SOX5: variants seen among roughly 807,000 people sequenced by gnomAD.
The protein encoded by SOX5 is transcription factor SOX-5.
Under a neutral mutation model 92.0 loss-of-function variants are expected in SOX5, and 9 were observed. The ratio of observed to expected loss-of-function variants is 0.10; its 90% confidence interval spans 0.06 to 0.17. The LOEUF is 0.17. Ranked by LOEUF, SOX5 falls within the 10% of genes least tolerant of loss-of-function variation. SOX5 has a pLI of 1.00. For synonymous variants in SOX5, 344 were observed against 336.3 expected, an observed-to-expected ratio of 1.02 and a Z score of -0.25; for missense variants, 642 against 944.5, an observed-to-expected ratio of 0.68 and a Z score of 4.20.
At chr12:24,509,102 A>G (rs559949994) in intron 1 of SOX5, among the ~76,000 whole-genome samples, 1 of 152,364 alleles carries the variant, frequency 6.6e-6, no homozygotes, top group African/African-American at 2.4e-5. Context: ...ATGGCCAGTC[A>G]GTAGACAATG....
intron 1 of SOX5, among the ~76,000 whole-genome samples, chr12:23,941,089 G>T (rs1388522507): frequency 6.6e-6 from 1 of 151,444 alleles, no homozygotes; most frequent in South Asian, 2.1e-4. Context: ...TGAAAAAACT[G>T]CAGCTTCATT....
chr12:24,297,804 T>G (rs1350095420), intron 2 of SOX5, among the ~76,000 whole-genome samples: 1 of 152,170 alleles, frequency 6.6e-6, no homozygotes, highest in African/African-American at 2.4e-5. Flanking sequence ...AGCTCATAAC[T>G]AGCACTGTCT....
At chr12:24,254,837 T>C (rs754825390) in intron 3 of SOX5, among the ~76,000 whole-genome samples, 3 of 152,074 alleles carry the variant, frequency 2.0e-5, no homozygotes, top group Non-Finnish European at 4.4e-5. Context: ...TATATTCTTC[T>C]TTCTGTCTTT....
chr12:24,353,517 A>G (rs1954382383), intron 2 of SOX5, among the ~76,000 whole-genome samples: 1 of 152,198 alleles, frequency 6.6e-6, no homozygotes, highest in Non-Finnish European at 1.5e-5. Flanking sequence ...AAGTGAGGGC[A>G]GATGGAGGGG....
rs570802226 is a variant in SOX5, at chr12:24,121,374, A to G, written c.-2+91969T>C. ...CACATGTCTGAACAGAATCTAGTTCAAGCCACTAAGAAGGATAAGACATCA... is the reference window on the plus strand; with the variant it reads ...CACATGTCTGAACAGAATCTAGTTCGAGCCACTAAGAAGGATAAGACATCA... On this transcript the variant is annotated intron_variant, in intron 4 of 4. Coordinates refer to the SOX5 transcript ENST00000446891. Among the ~76,000 whole-genome samples, 416 of 152,286 alleles carry G rather than the reference A, an allele frequency of 2.7e-3. 3 individuals carry two copies. The highest frequency in any genetic ancestry group is 9.3e-3 in the African/African-American group (387 of 41,556).
chr12:23,859,432 G>A (rs2096729815), intron 2 of SOX5, among the ~76,000 whole-genome samples: 1 of 152,162 alleles, frequency 6.6e-6, no homozygotes, highest in Non-Finnish European at 1.5e-5. Flanking sequence ...TACTAGGATT[G>A]GGAAATTCCA....
intron 3 of SOX5, among the ~76,000 whole-genome samples, chr12:24,225,073 C>T (rs924567649): frequency 2.0e-5 from 3 of 152,196 alleles, no homozygotes; most frequent in Non-Finnish European, 4.4e-5. Flanking sequence ...GCTAGACACA[C>T]AGTAGGTATC....
chr12:23,943,230 G>T (rs975474407), intron 1 of SOX5, among the ~76,000 whole-genome samples: 1 of 151,500 alleles, frequency 6.6e-6, no homozygotes, highest in African/African-American at 2.4e-5. Flanking sequence ...TTGAATTCCT[G>T]GTCCCCATTG....
At chr12:24,353,637 T>C (rs953447429) in intron 2 of SOX5, among the ~76,000 whole-genome samples, 1 of 151,970 alleles carries the variant, frequency 6.6e-6, no homozygotes, top group Admixed American at 6.6e-5. Flanking sequence ...AGTTGCTTCA[T>C]TATTATTCTT....
In SOX5 at chr12:24,119,420, A is replaced by C. The variant is rs982646992; in HGVS notation, c.-2+93923T>G. 7.9e-5 allele frequency among the ~76,000 whole-genome samples: 12 copies of C among 152,260 alleles called. No individual in the cohort carries two copies. The East Asian group carries it at 2.1e-3, about 27-fold the overall frequency. The stretch of plus-strand genomic sequence containing the variant: ...GACTGGCTGATTTACACTTGAGGCT[A>C]CATTTTACTTTTCACATTTTGTAAA... On this transcript the variant is annotated intron_variant, in intron 4 of 4. Coordinates refer to the SOX5 transcript ENST00000446891.
chr12:23,607,228 T>C (rs2075357046), intron 8 of SOX5, among the ~76,000 whole-genome samples: 1 of 152,200 alleles, frequency 6.6e-6, no homozygotes, highest in Admixed American at 6.5e-5. Context: ...AAATATCTAT[T>C]TCAACACATT....
intron 3 of SOX5, among the ~76,000 whole-genome samples, chr12:24,265,171 T>G (rs893859023): frequency 6.6e-6 from 1 of 152,218 alleles, no homozygotes; most frequent in African/African-American, 2.4e-5. Flanking sequence ...TTCCTCTAGA[T>G]TTTCTCTAAT....
chr12:23,680,753 A>G (rs1055665177), intron 6 of SOX5, among the ~76,000 whole-genome samples: 1 of 152,190 alleles, frequency 6.6e-6, no homozygotes, highest in African/African-American at 2.4e-5. Flanking sequence ...CCTTAAAAGC[A>G]GTCAGCTAGA....
intron 4 of SOX5, among the ~76,000 whole-genome samples, chr12:23,977,674 A>AAG (rs1050328737): frequency 2.6e-5 from 4 of 152,038 alleles, no homozygotes; most frequent in African/African-American, 9.7e-5. Context: ...AAAAAAAAAA[A>AAG]AAAAAGTGAA....
chr12:24,451,061 C>A (rs1208531103), intron 1 of SOX5, among the ~76,000 whole-genome samples: 1 of 152,166 alleles, frequency 6.6e-6, no homozygotes, highest in Non-Finnish European at 1.5e-5. Flanking sequence ...TCTTTCTGTG[C>A]CTGGCTTATT....
chr12:24,549,974 G>C (rs1209593751), intron 1 of SOX5, among the ~76,000 whole-genome samples: 1 of 152,166 alleles, frequency 6.6e-6, no homozygotes, highest in Admixed American at 6.5e-5. Context: ...GCATCATTTT[G>C]AGGGATGACT....
At chr12:23,670,075 T>C (rs1012081439) in intron 6 of SOX5, among the ~76,000 whole-genome samples, 4 of 151,994 alleles carry the variant, frequency 2.6e-5, no homozygotes, top group African/African-American at 7.3e-5. Context: ...AAAATTAAAG[T>C]TAGACAAAAA....
chr12:23,871,559 ATTGT>A (rs1243034736), intron 2 of SOX5, among the ~76,000 whole-genome samples: 2 of 152,078 alleles, frequency 1.3e-5, no homozygotes, highest in African/African-American at 2.4e-5. Flanking sequence ...CTTTTTCAAA[ATTGT>A]TTGTGTTTTA....
At chr12:24,327,500 C>A (rs962956462) in intron 2 of SOX5, among the ~76,000 whole-genome samples, 9 of 142,858 alleles carry the variant, frequency 6.3e-5, no homozygotes, top group African/African-American at 2.3e-4. Flanking sequence ...ACTGCAACCT[C>A]TACCTCCCAG....
Sources: allele counts gnomAD v4.1 joint callset (sites outside exome capture counted in the v4.1 genomes callset), GRCh38; gene constraint gnomAD v4.1.1; transcripts MANE v1.5; gene names NCBI Gene and HGNC (gene_info 2026-07-23, HGNC 2026-07-21).